Variants in LNX1 observed in about 807,000 individuals in gnomAD.
LNX1 encodes E3 ubiquitin-protein ligase LNX.
In LNX1, 54 loss-of-function variants were observed where a neutral mutation model predicts 68.4. The ratio of observed to expected loss-of-function variants is 0.79; its 90% CI spans 0.63 to 0.99. The LOEUF (loss-of-function observed/expected upper bound fraction) is 0.99, where lower values mean the gene tolerates loss of function less well. LNX1 is among the 50% of genes least tolerant of loss of function. The probability of loss-of-function intolerance (pLI) is 0.00; values close to 1 mark genes in which losing one functional copy is unlikely to be tolerated. For missense variants in LNX1, 906 were observed against 926.4 expected, an observed-to-expected ratio of 0.98 and a Z score of 0.29; for synonymous variants, 336 against 350.0, an observed-to-expected ratio of 0.96 and a Z score of 0.45.
chr4:53,478,686 G>A lies in LNX1; in HGVS notation c.1542C>T (p.Pro514=), dbSNP rs186995419. 2.5e-5 allele frequency: 41 copies of A among 1,613,966 alleles called. No homozygotes were observed. The highest frequency in any genetic ancestry group is 3.0e-5 in the Non-Finnish European group (35 of 1,179,956). Residue 514 remains proline (P), a synonymous_variant, in exon 8 of 11, where the codon CCC becomes CCT. Coordinates refer to ENST00000263925, the MANE Select transcript of LNX1 (RefSeq NM_001126328.3). The stretch of plus-strand genomic sequence containing the variant: ...CGACGGTCATGCCGAGAGATTCACC[G>A]GGGTCTTTTTGGATATTTACCACCT... ...HEKVVNIQKD[P]GESLGMTVAG...
At chr4:53,613,711 A>G (rs1322775991) in intron 2 of LNX1, among the ~76,000 whole-genome samples, 1 of 152,106 alleles carries the variant, frequency 6.6e-6, no homozygotes, top group African/African-American at 2.4e-5. Flanking sequence ...TCTATGATTG[A>G]TGGGTATTTA....
chr4:53,511,157 A>C (rs910424328), intron 2 of LNX1, among the ~76,000 whole-genome samples: 2 of 152,220 alleles, frequency 1.3e-5, no homozygotes, highest in East Asian at 1.9e-4. Context: ...TGTGTAATAA[A>C]GGTTCTGCTA....
In LNX1 at chr4:53,461,420, A is replaced by AGTC; in HGVS notation, c.2051+12_2051+14dup. The AGTC allele has an allele frequency of 6.3e-7, 1 of 1,576,302 alleles. No homozygotes were observed. Among genetic ancestry groups the AGTC allele is most frequent in the Non-Finnish European group, 8.7e-7 (1 of 1,154,648 alleles). ...ACATTTAATACAAGTATTTTTGATT[A>AGTC]GTCATTATTATTACCTAATTCTTCC... On this transcript the variant is annotated intron_variant, in intron 10 of 10. Transcript: ENST00000263925.
intron 1 of LNX1, among the ~76,000 whole-genome samples, chr4:53,629,740 G>A (rs1234036251): frequency 3.3e-5 from 5 of 152,180 alleles, no homozygotes; most frequent in Non-Finnish European, 7.3e-5. Flanking sequence ...TGGATGGACT[G>A]CAGCTCTTCC....
intron 6 of LNX1, among the ~76,000 whole-genome samples, chr4:53,492,328 C>T (rs140079438): frequency 1.2e-4 from 19 of 152,102 alleles, no homozygotes; most frequent in African/African-American, 4.6e-4. Flanking sequence ...GGCAGAAATG[C>T]TTGAAGAGCA....
intron 1 of LNX1, among the ~76,000 whole-genome samples, chr4:53,649,118 A>G (rs1253465211): frequency 6.6e-6 from 1 of 152,224 alleles, no homozygotes; most frequent in Non-Finnish European, 1.5e-5. Flanking sequence ...TTTACTCAAG[A>G]TAACAACTTC....
intron 2 of LNX1, among the ~76,000 whole-genome samples, chr4:53,572,046 T>C (rs75557521): frequency 9.4e-4 from 143 of 152,282 alleles, no homozygotes; most frequent in African/African-American, 3.2e-3. Flanking sequence ...AAATGTATAA[T>C]TGCAACACGG....
upstream of LNX1, among the ~76,000 whole-genome samples, chr4:53,592,226 AT>A (rs2109823070): frequency 6.6e-6 from 1 of 152,202 alleles, no homozygotes; most frequent in East Asian, 1.9e-4. Flanking sequence ...AATTTAAATG[AT>A]TCAGATTGGA....
chr4:53,542,209 AAGTAAAAT>A (rs1728810388), intron 2 of LNX1, among the ~76,000 whole-genome samples: 1 of 152,222 alleles, frequency 6.6e-6, no homozygotes, highest in Non-Finnish European at 1.5e-5. Flanking sequence ...ACTATTAGGA[AAGTAAAAT>A]TGAGTTTCCA....
At chr4:53,633,022 G>A (rs567819659) in intron 1 of LNX1, among the ~76,000 whole-genome samples, 2 of 152,250 alleles carry the variant, frequency 1.3e-5, no homozygotes, top group South Asian at 4.1e-4. Flanking sequence ...GGGAGTTCGG[G>A]GTGGAAAGAA....
chr4:53,624,698 G>A (rs1734009736), intron 1 of LNX1, among the ~76,000 whole-genome samples: 1 of 152,082 alleles, frequency 6.6e-6, no homozygotes. Flanking sequence ...CAAACCCAAG[G>A]CCTTTCCCTG....
At chr4:53,473,582 A>G (rs978891996) in intron 9 of LNX1, among the ~76,000 whole-genome samples, 4 of 152,204 alleles carry the variant, frequency 2.6e-5, no homozygotes, top group Admixed American at 2.0e-4. Context: ...GTTCTCACTT[A>G]TAAGTGGGAA....
At chr4:53,507,265 C>T (rs1297498669) in intron 4 of LNX1, 52 bp downstream of exon 4, 6 of 1,579,778 alleles carry the variant, frequency 3.8e-6, no homozygotes, top group South Asian at 1.1e-5. Context: ...TCCCTGAAGT[C>T]CCCCTGGAAG....
intron 2 of LNX1, among the ~76,000 whole-genome samples, chr4:53,548,325 T>C (rs1483194672): frequency 1.3e-5 from 2 of 152,206 alleles, no homozygotes; most frequent in African/African-American, 2.4e-5. Flanking sequence ...AGTGGGCAGA[T>C]TGTCATAGAA....
Position 53,561,256 on chromosome 4 carries a change from T to A in LNX1, c.380+12367A>T, listed in dbSNP as rs117712999. Reference sequence around the variant, plus strand: ...TTTCTTTTCTTTTTTTGAGATGGAGTCTCATTCTGTCACCAGACTGGAGTG... The same window carrying A: ...TTTCTTTTCTTTTTTTGAGATGGAGACTCATTCTGTCACCAGACTGGAGTG... On this transcript the variant is annotated intron_variant, in intron 2 of 10. Coordinates refer to ENST00000263925, the MANE Select transcript of LNX1 (RefSeq NM_001126328.3). 2.4e-3 allele frequency among the ~76,000 whole-genome samples: 360 copies of A among 152,126 alleles called. 5 individuals carry two copies. Among genetic ancestry groups the A allele is most frequent in the East Asian group, 0.015 (80 of 5,182 alleles).
intron 4 of LNX1, chr4:53,501,816 T>TC (rs1306710698): frequency 6.6e-6 from 1 of 152,134 alleles, no homozygotes; most frequent in East Asian, 1.9e-4. Flanking sequence ...GCTAGCTGAG[T>TC]CTTAACACCT....
intron 6 of LNX1, among the ~76,000 whole-genome samples, chr4:53,495,197 T>A (rs1183678940): frequency 1.3e-5 from 2 of 152,178 alleles, no homozygotes; most frequent in East Asian, 1.9e-4. Context: ...CAATTACATA[T>A]TAATTGATAA....
At chr4:53,572,381 C>T (rs1285322856) in intron 2 of LNX1, among the ~76,000 whole-genome samples, 4 of 152,186 alleles carry the variant, frequency 2.6e-5, no homozygotes. Context: ...GGCTGAACGT[C>T]TTGGGGAGAA....
intron 2 of LNX1, among the ~76,000 whole-genome samples, chr4:53,520,980 C>T (rs1224901111): frequency 6.6e-6 from 1 of 152,132 alleles, no homozygotes; most frequent in Non-Finnish European, 1.5e-5. Flanking sequence ...AAAAAAACCC[C>T]AAATTATTCT....
Sources: allele counts gnomAD v4.1 joint callset (sites outside exome capture counted in the v4.1 genomes callset), GRCh38; gene constraint gnomAD v4.1.1; transcripts MANE v1.5; gene names NCBI Gene and HGNC (gene_info 2026-07-23, HGNC 2026-07-21).